ADGRL4: variants seen among roughly 807,000 people sequenced by gnomAD.
ADGRL4 encodes adhesion G protein-coupled receptor L4, also known as EGF, latrophilin and seven transmembrane domain containing 1.
Under a neutral mutation model 74.8 loss-of-function variants are expected in ADGRL4, and 90 were observed. That is an observed-to-expected ratio of 1.20 (90% CI 1.02 to 1.43). The LOEUF (loss-of-function observed/expected upper bound fraction) is 1.43. Among genes scored for constraint, ADGRL4 ranks in the 40% most tolerant of loss-of-function variants. The pLI is 0.00. For synonymous variants in ADGRL4, 311 were observed against 279.2 expected, an observed-to-expected ratio of 1.11 and a Z score of -1.14; for missense variants, 881 against 814.3, an observed-to-expected ratio of 1.08 and a Z score of -1.00.
At chr1:78,993,820 G>A (rs544748390) in intron 2 of ADGRL4, among the ~76,000 whole-genome samples, 2 of 152,068 alleles carry the variant, frequency 1.3e-5, no homozygotes, top group Non-Finnish European at 2.9e-5. Context: ...TGATCCGTCC[G>A]CCTTGGCCTC....
At chr1:78,901,301 C>G (rs1236920439) in intron 12 of ADGRL4, among the ~76,000 whole-genome samples, 1 of 152,112 alleles carries the variant, frequency 6.6e-6, no homozygotes, top group Non-Finnish European at 1.5e-5. Flanking sequence ...AGTGGAAAAC[C>G]CCAAGGATGT....
chr1:78,902,930 A>G (rs1326000428), intron 12 of ADGRL4, among the ~76,000 whole-genome samples: 2 of 152,148 alleles, frequency 1.3e-5, no homozygotes, highest in Non-Finnish European at 2.9e-5. Context: ...AAAGCTTTCC[A>G]TCCTTTAGAG....
intron 2 of ADGRL4, among the ~76,000 whole-genome samples, chr1:79,004,118 C>T (rs1650908850): frequency 6.6e-6 from 1 of 152,048 alleles, no homozygotes; most frequent in Non-Finnish European, 1.5e-5. Flanking sequence ...TAAGCAAACA[C>T]ATGCAATATT....
chr1:78,964,864 A>T (rs896596978), intron 2 of ADGRL4, among the ~76,000 whole-genome samples: 1 of 152,198 alleles, frequency 6.6e-6, no homozygotes, highest in African/African-American at 2.4e-5. Context: ...TTTAAAAATG[A>T]CTGTGATAGC....
chr1:78,938,053 A>G (rs184714315), intron 5 of ADGRL4, 47 bp downstream of exon 5: 4 of 1,603,652 alleles, frequency 2.5e-6, no homozygotes, highest in Middle Eastern at 1.7e-4. Context: ...AAATGAAAGG[A>G]AAAATTCAAA....
chr1:78,991,082 A>G (rs1557522929), intron 2 of ADGRL4, among the ~76,000 whole-genome samples: 1 of 152,062 alleles, frequency 6.6e-6, no homozygotes, highest in Non-Finnish European at 1.5e-5. Flanking sequence ...AGACAGCAGC[A>G]CATTCCTTCC....
At chr1:78,973,974 G>T (rs1200415012) in intron 2 of ADGRL4, among the ~76,000 whole-genome samples, 2 of 151,944 alleles carry the variant, frequency 1.3e-5, no homozygotes, top group African/African-American at 4.8e-5. Flanking sequence ...GCAATCTTTA[G>T]ATGAAAATAT....
chr1:78,934,051 T>G (rs1021742938), intron 7 of ADGRL4, among the ~76,000 whole-genome samples: 2 of 152,088 alleles, frequency 1.3e-5, no homozygotes, highest in African/African-American at 4.8e-5. Flanking sequence ...CATTGACTAT[T>G]TCACAGAATT....
chr1:78,946,365 T>C lies in ADGRL4; in HGVS notation c.234A>G (p.Thr78=). ...CACACATACAATAATAACTTCCTTC[T>C]GTGTTAGTGCAATTAGCATTTTCGC... ...SCGENANCTN[T]EGSYYCMCVP... Residue 78 remains threonine, a synonymous_variant, in exon 3 of 15, where the codon ACA becomes ACG. Transcript: ENST00000370742. The C allele has an allele frequency of 6.2e-7, 1 of 1,613,302 alleles. No homozygotes were observed. The highest frequency in any genetic ancestry group is 8.5e-7 in the Non-Finnish European group (1 of 1,179,568).
chr1:78,948,188 C>T (rs12738521), intron 2 of ADGRL4, among the ~76,000 whole-genome samples: 28,858 of 151,908 alleles, frequency 0.19, 2,812 homozygotes, highest in Admixed American at 0.26. Context: ...TAGCATTTGA[C>T]CTGATTTATT....
chr1:78,980,758 T>A (rs936239599), intron 2 of ADGRL4, among the ~76,000 whole-genome samples: 2 of 151,964 alleles, frequency 1.3e-5, no homozygotes, highest in African/African-American at 4.8e-5. Context: ...GTTTAAATCA[T>A]CCCACAGAGA....
intron 2 of ADGRL4, among the ~76,000 whole-genome samples, chr1:78,987,636 T>C (rs903329280): frequency 1.3e-5 from 2 of 151,810 alleles, no homozygotes; most frequent in Non-Finnish European, 2.9e-5. Context: ...AAGTATGTTA[T>C]TGGAACACTA....
At chr1:78,895,729 G>A (rs1648383986) in intron 12 of ADGRL4, among the ~76,000 whole-genome samples, 1 of 152,014 alleles carries the variant, frequency 6.6e-6, no homozygotes, top group Admixed American at 6.6e-5. Flanking sequence ...GCAAAGCGAC[G>A]AGTGGCATGA....
chr1:78,943,541 C>G (rs1042004360), intron 3 of ADGRL4, among the ~76,000 whole-genome samples: 3 of 152,140 alleles, frequency 2.0e-5, no homozygotes, highest in African/African-American at 7.2e-5. Context: ...TGCCCTGTAT[C>G]AAAGTCTTCC....
chr1:78,924,111 T>G (rs1906833), intron 8 of ADGRL4, among the ~76,000 whole-genome samples: 46,197 of 151,704 alleles, frequency 0.3, 7,705 homozygotes, highest in South Asian at 0.43. Context: ...CAAAAGACAA[T>G]AAATTTTAAT....
chr1:78,977,565 CTT>C (rs1650310105), intron 2 of ADGRL4, among the ~76,000 whole-genome samples: 2 of 151,820 alleles, frequency 1.3e-5, no homozygotes, highest in Admixed American at 1.3e-4. Context: ...TCAGTAGAGA[CTT>C]AATATAAAGT....
intron 9 of ADGRL4, 95 bp downstream of exon 9, chr1:78,921,518 G>T (rs776417453): frequency 1.0e-5 from 8 of 803,402 alleles, no homozygotes; most frequent in Non-Finnish European, 1.4e-5. Context: ...CTAAACCCAA[G>T]AAAAATATAT....
chr1:78,930,685 A>G (rs1163148994), intron 7 of ADGRL4, among the ~76,000 whole-genome samples: 1 of 151,078 alleles, frequency 6.6e-6, no homozygotes, highest in East Asian at 1.9e-4. Context: ...TCCTGACCTC[A>G]TGATCCACCC....
At chr1:78,976,997 T>C (rs1034412094) in intron 2 of ADGRL4, among the ~76,000 whole-genome samples, 1 of 151,758 alleles carries the variant, frequency 6.6e-6, no homozygotes, top group African/African-American at 2.4e-5. Flanking sequence ...ATATGCCTCA[T>C]GAACACAGAG....
Sources: allele counts gnomAD v4.1 joint callset (sites outside exome capture counted in the v4.1 genomes callset), GRCh38; gene constraint gnomAD v4.1.1; transcripts MANE v1.5; gene names NCBI Gene and HGNC (gene_info 2026-07-23, HGNC 2026-07-21).